The following RPS6KA2 variants were observed in gnomAD, a reference collection of about 807,000 sequenced individuals.
The protein encoded by RPS6KA2 is ribosomal protein S6 kinase alpha-2.
In RPS6KA2, 42 loss-of-function variants were observed where a neutral mutation model predicts 91.8. The observed-to-expected ratio is 0.46, with a 90% CI of 0.36 to 0.59. The LOEUF (loss-of-function observed/expected upper bound fraction) is 0.59, where lower values mean the gene tolerates loss of function less well. Among genes scored for constraint, RPS6KA2 ranks in the 20% least tolerant of loss-of-function variants. RPS6KA2 has a pLI of 0.00. For missense variants in RPS6KA2, 798 were observed against 978.5 expected (o/e 0.82, Z 2.46); for synonymous variants, 414 against 393.6 (o/e 1.05, Z -0.61).
At chr6:166,675,376 C>T (rs923994798) in intron 2 of RPS6KA2, among the ~76,000 whole-genome samples, 1 of 152,234 alleles carries the variant, frequency 6.6e-6, no homozygotes. Flanking sequence ...CCTGCCATCT[C>T]TCAGCCCTGG....
At chr6:166,763,746 C>T (rs1170582631) in intron 2 of RPS6KA2, among the ~76,000 whole-genome samples, 4 of 152,138 alleles carry the variant, frequency 2.6e-5, no homozygotes, top group Admixed American at 6.5e-5. Context: ...GGATGAACGG[C>T]GACGACCTTG....
At chr6:166,461,660 A>T (rs1780312253) in intron 11 of RPS6KA2, among the ~76,000 whole-genome samples, 1 of 152,164 alleles carries the variant, frequency 6.6e-6, no homozygotes, top group South Asian at 2.1e-4. Flanking sequence ...CAGGCCTCCT[A>T]CTTTTATTAT....
At chr6:166,691,548 C>A (rs1583024202) in intron 2 of RPS6KA2, among the ~76,000 whole-genome samples, 1 of 152,252 alleles carries the variant, frequency 6.6e-6, no homozygotes, top group South Asian at 2.1e-4. Context: ...CAGCCCGGGC[C>A]TCCCCTGCTG....
intron 2 of RPS6KA2, among the ~76,000 whole-genome samples, chr6:166,724,633 G>A (rs1790282831): frequency 6.6e-6 from 1 of 152,170 alleles, no homozygotes; most frequent in Non-Finnish European, 1.5e-5. Context: ...GTCACCATAC[G>A]TCACCGCACA....
At chr6:166,420,743 G>A (rs1055377764) in intron 17 of RPS6KA2, among the ~76,000 whole-genome samples, 2 of 152,036 alleles carry the variant, frequency 1.3e-5, no homozygotes, top group African/African-American at 4.8e-5. Flanking sequence ...AATTCTTTTG[G>A]GTATATACCC....
Position 166,419,899 on chromosome 6 carries a change from C to T in RPS6KA2, c.1803G>A (p.Leu601=). 1 of 1,613,950 alleles carries T rather than the reference C, an allele frequency of 6.2e-7. No homozygotes were observed. The change falls in exon 18 of 21, where the codon TTG becomes TTA. Residue 601 remains leucine (L), a synonymous_variant. Coordinates refer to ENST00000265678, the MANE Select transcript of RPS6KA2 (RefSeq NM_021135.6). The surrounding 1 kb of genome is among the most constrained non-coding windows in gnomAD (Gnocchi z 5.6). ...ACDIWSLGIL[L]YTMLAGFTPF... ...CTGCTTACCCTGCCAGCATGGTGTA[C>T]AACAGGATCCCCAAACTCCAGATGT...
At chr6:166,438,390 C>T (rs548534474) in intron 14 of RPS6KA2, among the ~76,000 whole-genome samples, 22 of 152,372 alleles carry the variant, frequency 1.4e-4, no homozygotes, top group South Asian at 1.0e-3. Context: ...GGCTGGCCCG[C>T]GCTCCAGGCC....
intron 2 of RPS6KA2, among the ~76,000 whole-genome samples, chr6:166,692,857 G>A (rs1789250193): frequency 6.6e-6 from 1 of 152,216 alleles, no homozygotes; most frequent in Non-Finnish European, 1.5e-5. Context: ...GCCTAAGTTA[G>A]AAATGATGAC....
intron 2 of RPS6KA2, chr6:166,702,532 T>C (rs1200731003): frequency 6.9e-7 from 1 of 1,453,254 alleles, no homozygotes; most frequent in Non-Finnish European, 9.7e-7. Flanking sequence ...CACTCCATAC[T>C]GGACTAGTCA....
intron 1 of RPS6KA2, among the ~76,000 whole-genome samples, chr6:166,598,465 T>C (rs1179324280): frequency 6.6e-6 from 1 of 152,074 alleles, no homozygotes; most frequent in African/African-American, 2.4e-5. Context: ...GCAGGGACAA[T>C]AAAGGAATAA....
chr6:166,518,064 G>A (rs569119122), intron 3 of RPS6KA2, among the ~76,000 whole-genome samples: 58 of 151,884 alleles, frequency 3.8e-4, no homozygotes, highest in African/African-American at 1.3e-3. Flanking sequence ...GCTGGGTTAG[G>A]GTCTCCACCA....
intron 6 of RPS6KA2, among the ~76,000 whole-genome samples, chr6:166,502,507 G>A (rs1034471142): frequency 9.9e-5 from 15 of 152,174 alleles, no homozygotes; most frequent in African/African-American, 3.6e-4. Flanking sequence ...CAGGAGCAAT[G>A]AGAACCGGCA....
rs955854653 is a variant in RPS6KA2, at chr6:166,626,023, C to T, written c.99+898G>A. Among the ~76,000 whole-genome samples, 3 of 152,166 alleles carry T rather than the reference C, an allele frequency of 2.0e-5. No homozygotes were observed. Among genetic ancestry groups the T allele is most frequent in the Non-Finnish European group, 4.4e-5 (3 of 68,034 alleles). Reference sequence around the variant, plus strand: ...AGCTGAAACAAACCAACCAAAACCCCACAGGTGCCAGCCTTGAGGCAAAGG... The same window carrying T: ...AGCTGAAACAAACCAACCAAAACCCTACAGGTGCCAGCCTTGAGGCAAAGG... On this transcript the variant is annotated intron_variant, in intron 1 of 20. Transcript: ENST00000265678. The surrounding 1 kb of genome is among the most constrained non-coding windows in gnomAD (Gnocchi z 4.1).
At chr6:166,597,739 T>C (rs1400868417) in intron 1 of RPS6KA2, among the ~76,000 whole-genome samples, 1 of 152,186 alleles carries the variant, frequency 6.6e-6, no homozygotes, top group East Asian at 1.9e-4. Context: ...GACCATTTCA[T>C]ATTATTAAAC....
intron 2 of RPS6KA2, among the ~76,000 whole-genome samples, chr6:166,781,375 G>A (rs1012656096): frequency 9.8e-5 from 15 of 152,294 alleles, no homozygotes; most frequent in African/African-American, 3.1e-4. Flanking sequence ...ACCCCCTGGC[G>A]TGCTCCCAGG....
At chr6:166,578,053 T>C (rs1422823854) in intron 1 of RPS6KA2, among the ~76,000 whole-genome samples, 2 of 152,214 alleles carry the variant, frequency 1.3e-5, no homozygotes, top group Non-Finnish European at 2.9e-5. Flanking sequence ...AGAAATGTTT[T>C]TTGCCTCCTG....
In RPS6KA2 at chr6:166,472,039, A is replaced by G. The variant is rs567458980; in HGVS notation, c.908-2134T>C. ...CCATCCTGTGTGCAGGCCTCCTTTG[A>G]TGATGACCAGAACTCTGGGTTGAAG... On this transcript the variant is annotated intron_variant, in intron 10 of 20. Transcript: ENST00000265678. 3.3e-4 allele frequency among the ~76,000 whole-genome samples: 51 copies of G among 152,340 alleles called. No individual in the cohort carries two copies. In the East Asian group the frequency reaches 8.7e-3, roughly 26 times the overall value.
At chr6:166,615,787 T>C (rs2128536617) in intron 1 of RPS6KA2, among the ~76,000 whole-genome samples, 1 of 152,272 alleles carries the variant, frequency 6.6e-6, no homozygotes, top group Non-Finnish European at 1.5e-5. Context: ...CCCCCCAGGA[T>C]GGGCGCTCTG....
At chr6:166,569,316 C>A (rs949445734) in intron 1 of RPS6KA2, among the ~76,000 whole-genome samples, 5 of 152,220 alleles carry the variant, frequency 3.3e-5, no homozygotes, top group African/African-American at 1.2e-4. Flanking sequence ...AGGGAGGCAC[C>A]GAGGGCTGGG....
Sources: allele counts gnomAD v4.1 joint callset (sites outside exome capture counted in the v4.1 genomes callset), GRCh38; gene constraint gnomAD v4.1.1; non-coding constraint Gnocchi (gnomAD v3.1); transcripts MANE v1.5; gene names NCBI Gene and HGNC (gene_info 2026-07-23, HGNC 2026-07-21).